CNTN1: variants seen among roughly 807,000 people sequenced by gnomAD.
The protein encoded by CNTN1 is contactin 1, also known as contactin-1.
CNTN1 carries 38 observed loss-of-function variants against 126.4 expected under a neutral mutation model. The observed-to-expected ratio is 0.30, with a 90% CI of 0.23 to 0.39. The LOEUF is 0.39. Among genes scored for constraint, CNTN1 ranks in the 10% least tolerant of loss-of-function variants. The pLI is 1.00. For synonymous variants in CNTN1, 413 were observed against 422.6 expected, an observed-to-expected ratio of 0.98 and a Z score of 0.28; for missense variants, 1,009 against 1,248.4, an observed-to-expected ratio of 0.81 and a Z score of 2.89.
intron 1 of CNTN1, among the ~76,000 whole-genome samples, chr12:40,740,057 A>G (rs1937870443): frequency 6.6e-6 from 1 of 152,054 alleles, no homozygotes; most frequent in Non-Finnish European, 1.5e-5. Flanking sequence ...ACACAAAATA[A>G]TGGATTCTAA....
intron 17 of CNTN1, among the ~76,000 whole-genome samples, chr12:41,012,705 G>A (rs1366715193): frequency 1.3e-5 from 2 of 152,176 alleles, no homozygotes; most frequent in Non-Finnish European, 2.9e-5. Flanking sequence ...TATATGGCTG[G>A]CAGCCACGCT....
intron 1 of CNTN1, among the ~76,000 whole-genome samples, chr12:40,797,723 G>A (rs1342351661): frequency 6.6e-6 from 1 of 152,040 alleles, no homozygotes; most frequent in Non-Finnish European, 1.5e-5. Flanking sequence ...AAGGGAAAAT[G>A]ATGGCTTGGA....
At chr12:40,965,295 C>G (rs1947265087) in intron 15 of CNTN1, among the ~76,000 whole-genome samples, 1 of 152,134 alleles carries the variant, frequency 6.6e-6, no homozygotes, top group Non-Finnish European at 1.5e-5. Flanking sequence ...TATTTTCCAT[C>G]TACATGGTGG....
intron 1 of CNTN1, among the ~76,000 whole-genome samples, chr12:40,715,532 G>A (rs1942027828): frequency 6.6e-6 from 1 of 152,038 alleles, no homozygotes; most frequent in Non-Finnish European, 1.5e-5. Context: ...CAACTAAATA[G>A]TCTTCCAGGG....
chr12:40,737,117 AGATT>A (rs893386486), intron 1 of CNTN1, among the ~76,000 whole-genome samples: 1 of 151,822 alleles, frequency 6.6e-6, no homozygotes, highest in African/African-American at 2.4e-5. Flanking sequence ...GTATAAATCC[AGATT>A]GATTGGTGGA....
At chr12:40,952,383 A>C (rs1946721875) in intron 14 of CNTN1, among the ~76,000 whole-genome samples, 1 of 152,190 alleles carries the variant, frequency 6.6e-6, no homozygotes, top group Admixed American at 6.5e-5. Context: ...AAATTGAATA[A>C]GAAAATGTAT....
chr12:40,979,204 A>G (rs967039967), intron 15 of CNTN1: 3 of 152,170 alleles, frequency 2.0e-5, no homozygotes, highest in Non-Finnish European at 4.4e-5. Flanking sequence ...TGCTTTTCTT[A>G]TATGTGATAT....
intron 23 of CNTN1, among the ~76,000 whole-genome samples, chr12:41,053,131 AAAT>A (rs1359018326): frequency 6.6e-6 from 1 of 151,526 alleles, no homozygotes; most frequent in Non-Finnish European, 1.5e-5. Context: ...GAAGTAGAAA[AAAT>A]AATGATGCCA....
chr12:40,892,967 A>C (rs986674612), intron 1 of CNTN1, among the ~76,000 whole-genome samples: 1 of 141,082 alleles, frequency 7.1e-6, no homozygotes, highest in African/African-American at 2.9e-5. Context: ...GGGGGGGTGA[A>C]TAAACAAATA....
chr12:40,844,069 A>ATTTTTGTTTTTTTTTTTTT (rs1942397558), intron 1 of CNTN1, among the ~76,000 whole-genome samples: 1 of 84,684 alleles, frequency 1.2e-5, no homozygotes, highest in African/African-American at 4.0e-5. Context: ...TGGCACAATG[A>ATTTTTGTTTTTTTTTTTTT]TTTTTTTTTT....
intron 20 of CNTN1, 102 bp downstream of exon 20, chr12:41,020,542 C>A: frequency 1.4e-6 from 1 of 738,246 alleles, no homozygotes. Context: ...ATTTATGTGG[C>A]AACTAATACT....
chr12:40,744,133 A>G (rs1938067170), intron 1 of CNTN1, among the ~76,000 whole-genome samples: 1 of 151,988 alleles, frequency 6.6e-6, no homozygotes, highest in African/African-American at 2.4e-5. Context: ...GGGGCCTGTC[A>G]GTAGCAGGGG....
At chr12:40,813,683 C>T (rs1201773927) in intron 1 of CNTN1, among the ~76,000 whole-genome samples, 2 of 152,020 alleles carry the variant, frequency 1.3e-5, no homozygotes, top group Non-Finnish European at 2.9e-5. Context: ...ATAATAGAAT[C>T]ATTTATATTC....
At chr12:40,891,453 C>A (rs964664906) in intron 1 of CNTN1, among the ~76,000 whole-genome samples, 1 of 152,072 alleles carries the variant, frequency 6.6e-6, no homozygotes, top group South Asian at 2.1e-4. Flanking sequence ...TATTGCTATA[C>A]CAAAGAAGTT....
intron 1 of CNTN1, among the ~76,000 whole-genome samples, chr12:40,728,219 A>G (rs1156412416): frequency 6.6e-6 from 1 of 152,170 alleles, no homozygotes; most frequent in Non-Finnish European, 1.5e-5. Flanking sequence ...TTTTTTCATG[A>G]AACAGGAAGT....
chr12:40,926,531 T>A (rs1392147805), intron 6 of CNTN1, among the ~76,000 whole-genome samples: 1 of 152,042 alleles, frequency 6.6e-6, no homozygotes, highest in Admixed American at 6.6e-5. Context: ...TTACTTTGAA[T>A]GCGATTTACA....
At chr12:40,851,109 CAAGG>C (rs1054545848) in intron 1 of CNTN1, among the ~76,000 whole-genome samples, 2 of 152,168 alleles carry the variant, frequency 1.3e-5, no homozygotes, top group Admixed American at 1.3e-4. Context: ...TGCTACAAAT[CAAGG>C]ACTTTTCCAA....
At chr12:40,856,937 C>T (rs1399402004) in intron 1 of CNTN1, among the ~76,000 whole-genome samples, 1 of 151,982 alleles carries the variant, frequency 6.6e-6, no homozygotes, top group East Asian at 1.9e-4. Context: ...TCTAGACTCT[C>T]TCTCTCCAAT....
chr12:41,028,029 A>G, intron 22 of CNTN1, 60 bp downstream of exon 22: 1 of 1,217,710 alleles, frequency 8.2e-7, no homozygotes, highest in Non-Finnish European at 1.2e-6. Context: ...GAAACCCAAG[A>G]TGGGTTTCTT....
Sources: allele counts gnomAD v4.1 joint callset (sites outside exome capture counted in the v4.1 genomes callset), GRCh38; gene constraint gnomAD v4.1.1; transcripts MANE v1.5; gene names NCBI Gene and HGNC (gene_info 2026-07-23, HGNC 2026-07-21).